Variants in TAOK1 observed in about 807,000 individuals in gnomAD.
TAOK1 encodes serine/threonine-protein kinase TAO1.
A neutral mutation model predicts 138.3 loss-of-function variants in TAOK1; 21 were observed. That is an observed-to-expected ratio of 0.15 (90% CI 0.11 to 0.22). The LOEUF (loss-of-function observed/expected upper bound fraction) is 0.22. TAOK1 is among the 10% of genes least tolerant of loss of function. The pLI is 1.00. For missense variants in TAOK1, 651 were observed against 1,227.7 expected (o/e 0.53, Z 7.02); for synonymous variants, 361 against 398.4 (o/e 0.91, Z 1.12).
chr17:29,532,995 C>A (rs1231606653), intron 18 of TAOK1, among the ~76,000 whole-genome samples: 3 of 1,692 alleles, frequency 1.8e-3, no homozygotes, highest in Admixed American at 0.013. Context: ...GGCTGACCCC[C>A]CCACCTCCAA....
chr17:29,509,929 C>G (rs894409265), intron 14 of TAOK1, among the ~76,000 whole-genome samples: 1 of 151,134 alleles, frequency 6.6e-6, no homozygotes, highest in African/African-American at 2.4e-5. Flanking sequence ...TGTTACCCAG[C>G]TGGTCTTGAA....
intron 1 of TAOK1, among the ~76,000 whole-genome samples, chr17:29,410,395 C>A (rs1288876686): frequency 6.6e-6 from 1 of 152,064 alleles, no homozygotes; most frequent in Non-Finnish European, 1.5e-5. Flanking sequence ...GGATTACAGG[C>A]ATGCACCACC....
chr17:29,476,747 T>G (rs1397267901), intron 4 of TAOK1, among the ~76,000 whole-genome samples: 1 of 152,194 alleles, frequency 6.6e-6, no homozygotes, highest in East Asian at 1.9e-4. Flanking sequence ...ATCTGTAGAT[T>G]AGTTATAATA....
intron 2 of TAOK1, among the ~76,000 whole-genome samples, chr17:29,459,461 A>C (rs2030479857): frequency 6.6e-6 from 1 of 150,640 alleles, no homozygotes; most frequent in Admixed American, 6.6e-5. Flanking sequence ...GTTTTTTTTT[A>C]TTTTTAGTAG....
intron 1 of TAOK1, chr17:29,424,669 G>T (rs1168800411): frequency 6.6e-6 from 1 of 152,084 alleles, no homozygotes; most frequent in Non-Finnish European, 1.5e-5. Context: ...CTTGTCAGAA[G>T]TTTTCTTTGT....
chr17:29,437,646 C>G lies in TAOK1; in HGVS notation c.-94-13809C>G, dbSNP rs191521130. On this transcript the variant is annotated intron_variant, in intron 1 of 19. Coordinates refer to ENST00000261716, the MANE Select transcript of TAOK1 (RefSeq NM_020791.4). ...AACTTGGCTTTTTGAAGTAGAAAAC[C>G]TGGAAGTGGGAAATAAATTTTGCAT... Among the ~76,000 whole-genome samples the G allele has an allele frequency of 5.8e-3, 879 of 151,804 alleles. 5 individuals carry two copies. Among genetic ancestry groups the G allele is most frequent in the Non-Finnish European group, 9.6e-3 (652 of 67,964 alleles).
At chr17:29,505,918 C>T (rs2031622503) in intron 13 of TAOK1, among the ~76,000 whole-genome samples, 1 of 152,108 alleles carries the variant, frequency 6.6e-6, no homozygotes, top group Non-Finnish European at 1.5e-5. Flanking sequence ...GTGGGCAACC[C>T]ACCGACCCTG....
intron 3 of TAOK1, among the ~76,000 whole-genome samples, chr17:29,467,803 T>TTTTA (rs560669780): frequency 0.011 from 1,664 of 151,610 alleles, 38 homozygotes; most frequent in African/African-American, 0.037. Flanking sequence ...CTGCTTTTAT[T>TTTTA]TTTATTTATT....
At chr17:29,458,904 G>A (rs535919156) in intron 2 of TAOK1, among the ~76,000 whole-genome samples, 158 of 152,046 alleles carry the variant, frequency 1.0e-3, no homozygotes, top group African/African-American at 3.8e-3. Context: ...ATTTTTAGTA[G>A]AGACAGGATT....
chr17:29,531,439 A>G (rs573041596), intron 18 of TAOK1, among the ~76,000 whole-genome samples: 116 of 150,962 alleles, frequency 7.7e-4, no homozygotes, highest in African/African-American at 2.7e-3. Context: ...AATATTTTCT[A>G]TATAAGAGCT....
At chr17:29,477,985 G>T (rs1039299405) in intron 5 of TAOK1, among the ~76,000 whole-genome samples, 1 of 152,024 alleles carries the variant, frequency 6.6e-6, no homozygotes, top group Non-Finnish European at 1.5e-5. Flanking sequence ...AGATAAGTGA[G>T]AATAAAGAGA....
chr17:29,441,630 G>A (rs541748400), intron 1 of TAOK1, among the ~76,000 whole-genome samples: 3 of 152,082 alleles, frequency 2.0e-5, no homozygotes, highest in African/African-American at 4.8e-5. Flanking sequence ...GGCCAGACAC[G>A]GTGGCTCACA....
At chr17:29,475,070 A>G (rs1291498446) in intron 3 of TAOK1, among the ~76,000 whole-genome samples, 3 of 151,866 alleles carry the variant, frequency 2.0e-5, no homozygotes, top group Non-Finnish European at 4.4e-5. Flanking sequence ...CCTCCCGAGT[A>G]CCTGGGACTA....
At chr17:29,424,264 G>A (rs1282557090) in intron 1 of TAOK1, among the ~76,000 whole-genome samples, 4 of 150,994 alleles carry the variant, frequency 2.6e-5, no homozygotes, top group African/African-American at 4.9e-5. Flanking sequence ...GTGAAACCTC[G>A]TCTTTACTAA....
At chr17:29,471,094 G>T (rs1286738544) in intron 3 of TAOK1, among the ~76,000 whole-genome samples, 1 of 151,518 alleles carries the variant, frequency 6.6e-6, no homozygotes, top group Non-Finnish European at 1.5e-5. Context: ...GGAGGCGAAG[G>T]CTGCAGTGAG....
chr17:29,424,294 A>T (rs1473281778), intron 1 of TAOK1, among the ~76,000 whole-genome samples: 2 of 151,616 alleles, frequency 1.3e-5, no homozygotes, highest in African/African-American at 2.4e-5. Flanking sequence ...AAAATTAGCC[A>T]GGCATGGTGG....
chr17:29,397,687 G>GTATATTCATGTATGATACATGTATACATA (rs1904688005), intron 1 of TAOK1, among the ~76,000 whole-genome samples: 1 of 71,056 alleles, frequency 1.4e-5, no homozygotes. Context: ...ATGTATACAT[G>GTATATTCATGTATGATACATGTATACATA]TATATTCATG....
At chr17:29,538,485 G>C (rs2032261628) in intron 19 of TAOK1, among the ~76,000 whole-genome samples, 2 of 152,158 alleles carry the variant, frequency 1.3e-5, no homozygotes, top group African/African-American at 4.8e-5. Flanking sequence ...TACAAGGCAG[G>C]CTGGGGTCAA....
chr17:29,484,372 T>C (rs1598501216), intron 8 of TAOK1, among the ~76,000 whole-genome samples: 2 of 152,216 alleles, frequency 1.3e-5, no homozygotes, highest in African/African-American at 4.8e-5. Context: ...TCAGGAACTA[T>C]ATTTTAAGCC....
Sources: gnomAD v4.1 joint callset for allele counts (sites outside exome capture counted in the v4.1 genomes callset) on GRCh38, gnomAD v4.1.1 for gene constraint, MANE v1.5 for transcripts, NCBI Gene and HGNC (gene_info 2026-07-23, HGNC 2026-07-21) for gene names.